Variants in RPS6KA5 observed in about 807,000 individuals in gnomAD.
RPS6KA5 encodes ribosomal protein S6 kinase alpha-5.
A neutral mutation model predicts 85.5 loss-of-function variants in RPS6KA5; 27 were observed. The ratio of observed to expected loss-of-function variants is 0.32; its 90% CI spans 0.23 to 0.44. The LOEUF is 0.44. RPS6KA5 is among the 20% of genes least tolerant of loss of function. The pLI is 1.00. For synonymous variants in RPS6KA5, 334 were observed against 348.2 expected (o/e 0.96, Z 0.46); for missense variants, 811 against 980.9 (o/e 0.83, Z 2.31).
chr14:91,056,676 G>A (rs1566916623), intron 1 of RPS6KA5, among the ~76,000 whole-genome samples: 1 of 151,934 alleles, frequency 6.6e-6, no homozygotes, highest in African/African-American at 2.4e-5. Flanking sequence ...ATCTAAAATC[G>A]CACCCAGTAT....
intron 3 of RPS6KA5, among the ~76,000 whole-genome samples, chr14:90,978,009 T>G (rs1300898912): frequency 6.6e-6 from 1 of 151,978 alleles, no homozygotes; most frequent in Non-Finnish European, 1.5e-5. Context: ...GAGCTGAGAT[T>G]GTGCCACTGC....
At chr14:91,011,646 T>C (rs1399652466) in intron 1 of RPS6KA5, among the ~76,000 whole-genome samples, 1 of 152,218 alleles carries the variant, frequency 6.6e-6, no homozygotes, top group Non-Finnish European at 1.5e-5. Context: ...TTAGACCACT[T>C]GACCAATTCC....
chr14:90,910,685 A>ATT (rs202000247), intron 7 of RPS6KA5, among the ~76,000 whole-genome samples: 2 of 147,624 alleles, frequency 1.4e-5, no homozygotes, highest in Non-Finnish European at 1.5e-5. Context: ...CATTATTATT[A>ATT]TTTTTTTTTT....
intron 7 of RPS6KA5, among the ~76,000 whole-genome samples, chr14:90,917,790 G>C (rs1357108332): frequency 6.6e-6 from 1 of 151,842 alleles, no homozygotes; most frequent in Non-Finnish European, 1.5e-5. Context: ...TCAAACTCCT[G>C]GGCTCAAGCA....
chr14:90,910,189 A>G (rs1200941716), intron 7 of RPS6KA5, among the ~76,000 whole-genome samples: 3 of 152,358 alleles, frequency 2.0e-5, no homozygotes, highest in East Asian at 1.9e-4. Context: ...CTTGCCTTAT[A>G]TTACAACCCA....
chr14:90,895,696 G>A (rs1335434335), intron 12 of RPS6KA5, among the ~76,000 whole-genome samples: 11 of 152,296 alleles, frequency 7.2e-5, no homozygotes, highest in Admixed American at 2.6e-4. Flanking sequence ...GACCAGCCTA[G>A]GCAACATAGT....
At chr14:91,029,482 G>C (rs2042103266) in intron 1 of RPS6KA5, among the ~76,000 whole-genome samples, 1 of 152,098 alleles carries the variant, frequency 6.6e-6, no homozygotes, top group Non-Finnish European at 1.5e-5. Context: ...TATTTAACAA[G>C]TTCACATTGC....
intron 2 of RPS6KA5, among the ~76,000 whole-genome samples, chr14:90,983,996 G>A (rs932575067): frequency 4.0e-5 from 6 of 151,894 alleles, no homozygotes; most frequent in African/African-American, 1.2e-4. Flanking sequence ...AGGTGCCCAC[G>A]ACCACACCCA....
chr14:91,026,639 G>A (rs1263596064), intron 1 of RPS6KA5, among the ~76,000 whole-genome samples: 1 of 152,162 alleles, frequency 6.6e-6, no homozygotes, highest in Non-Finnish European at 1.5e-5. Context: ...TGTGTCTATT[G>A]TGATATTCAT....
chr14:91,034,988 T>C (rs367757044), intron 1 of RPS6KA5, among the ~76,000 whole-genome samples: 3 of 151,612 alleles, frequency 2.0e-5, no homozygotes, highest in East Asian at 3.9e-4. Flanking sequence ...GGGAGACAAA[T>C]ATATAATTAC....
rs142829905 is a variant in RPS6KA5 at position 91,057,634 on chromosome 14, A to T, written c.103+2698T>A. Among the ~76,000 whole-genome samples, 921 of 152,356 alleles carry T rather than the reference A, an allele frequency of 6.0e-3. 3 individuals carry two copies. Among genetic ancestry groups the T allele is most frequent in the Non-Finnish European group, 9.7e-3 (658 of 68,032 alleles). ...GAAGACTGGACATATACAGAAAAAG[A>T]TAACAGCCAGGCAATGTGACATAGG... On this transcript the variant is annotated intron_variant, in intron 1 of 16. Coordinates refer to ENST00000614987, the MANE Select transcript of RPS6KA5 (RefSeq NM_004755.4).
At chr14:91,010,078 G>GA (rs1399524465) in intron 1 of RPS6KA5, among the ~76,000 whole-genome samples, 9 of 149,392 alleles carry the variant, frequency 6.0e-5, no homozygotes, top group East Asian at 1.9e-4. Context: ...GGAAGAATGA[G>GA]AAAAAAAGCC....
At chr14:90,878,263 A>C (rs1468677173) in intron 14 of RPS6KA5, among the ~76,000 whole-genome samples, 4 of 152,204 alleles carry the variant, frequency 2.6e-5, no homozygotes, top group Non-Finnish European at 5.9e-5. Flanking sequence ...AGAACACTTA[A>C]GACAGTGATA....
intron 1 of RPS6KA5, among the ~76,000 whole-genome samples, chr14:91,003,090 C>A (rs990349596): frequency 4.6e-5 from 7 of 151,970 alleles, no homozygotes; most frequent in Non-Finnish European, 7.4e-5. Flanking sequence ...ATGTTAAATT[C>A]TATTATTTTA....
chr14:90,988,740 G>C (rs1644971725), intron 2 of RPS6KA5, among the ~76,000 whole-genome samples: 1 of 152,166 alleles, frequency 6.6e-6, no homozygotes, highest in Admixed American at 6.5e-5. Context: ...TTGAATCCGG[G>C]AGGCGGAGGT....
At chr14:91,058,938 C>T (rs1247090424) in intron 1 of RPS6KA5, among the ~76,000 whole-genome samples, 1 of 152,202 alleles carries the variant, frequency 6.6e-6, no homozygotes, top group South Asian at 2.1e-4. Context: ...AAAGAACTGA[C>T]GGACAGAGCT....
chr14:91,047,621 TAGTA>T lies in RPS6KA5; in HGVS notation c.103+12707_103+12710del, dbSNP rs144222726. Among the ~76,000 whole-genome samples, 450 of 152,354 alleles carry T rather than the reference TAGTA, an allele frequency of 3.0e-3. 4 individuals are homozygous for T. Among genetic ancestry groups the T allele is most frequent in the African/African-American group, 0.01 (422 of 41,584 alleles). On this transcript the variant is annotated intron_variant, in intron 1 of 16. Transcript: ENST00000614987. ...AATTATCTCCTGGTTAATCCAATCTTAGTAAGTTGTATTAGTTTCCTGTAACTGC... is the reference window on the plus strand; with the variant it reads ...AATTATCTCCTGGTTAATCCAATCTTAGTTGTATTAGTTTCCTGTAACTGC...
intron 1 of RPS6KA5, among the ~76,000 whole-genome samples, chr14:91,016,939 G>A (rs1351931037): frequency 6.6e-6 from 1 of 151,674 alleles, no homozygotes; most frequent in African/African-American, 2.4e-5. Flanking sequence ...GACCTCAGCA[G>A]AGAAGGATAT....
chr14:90,923,838 T>C (rs2036527732), intron 5 of RPS6KA5, among the ~76,000 whole-genome samples: 1 of 152,140 alleles, frequency 6.6e-6, no homozygotes, highest in South Asian at 2.1e-4. Context: ...TTTTATAGAA[T>C]TTTAAAAATT....
Sources: allele counts gnomAD v4.1 joint callset (sites outside exome capture counted in the v4.1 genomes callset), GRCh38; gene constraint gnomAD v4.1.1; transcripts MANE v1.5; gene names NCBI Gene and HGNC (gene_info 2026-07-23, HGNC 2026-07-21).